Variants in LUZP2 observed in about 807,000 individuals in gnomAD.
LUZP2 encodes the protein leucine zipper protein 2.
In LUZP2, 52 loss-of-function variants were observed where a neutral mutation model predicts 51.6. That is an observed-to-expected ratio of 1.01 (90% CI 0.81 to 1.27). The LOEUF is 1.27. Ranked by LOEUF, LUZP2 falls within the 50% of genes most tolerant of loss-of-function variation. LUZP2 has a pLI of 0.00. For missense variants in LUZP2, 436 were observed against 395.4 expected (o/e 1.10, Z -0.87); for synonymous variants, 154 against 137.3 (o/e 1.12, Z -0.85).
intron 5 of LUZP2, among the ~76,000 whole-genome samples, chr11:24,821,148 A>G (rs138056942): frequency 1.3e-4 from 20 of 152,280 alleles, no homozygotes; most frequent in Non-Finnish European, 2.4e-4. Context: ...ATAACACAGC[A>G]TATAGTTTGC....
intron 9 of LUZP2, among the ~76,000 whole-genome samples, chr11:25,024,544 A>G (rs1371752175): frequency 6.6e-6 from 1 of 152,180 alleles, no homozygotes; most frequent in Non-Finnish European, 1.5e-5. Context: ...ATTCCCATTT[A>G]CAATTGCTTC....
intron 1 of LUZP2, among the ~76,000 whole-genome samples, chr11:24,556,298 G>A (rs1180172987): frequency 6.6e-6 from 1 of 152,040 alleles, no homozygotes; most frequent in East Asian, 1.9e-4. Flanking sequence ...TTCCATTGTG[G>A]CATATAATAC....
chr11:24,899,597 A>G (rs10834538), intron 5 of LUZP2, among the ~76,000 whole-genome samples: 61,518 of 152,018 alleles, frequency 0.4, 14,609 homozygotes, highest in East Asian at 0.68. Flanking sequence ...GAAAGATGAA[A>G]GTAAAATATG....
At chr11:24,826,372 C>A (rs182902846) in intron 5 of LUZP2, among the ~76,000 whole-genome samples, 23 of 151,114 alleles carry the variant, frequency 1.5e-4, no homozygotes, top group Non-Finnish European at 2.7e-4. Flanking sequence ...AAAATGAAAC[C>A]GAATTGACTG....
At chr11:24,754,073 A>G (rs1026799199) in intron 4 of LUZP2, among the ~76,000 whole-genome samples, 5 of 152,148 alleles carry the variant, frequency 3.3e-5, no homozygotes, top group Non-Finnish European at 7.4e-5. Flanking sequence ...ATAACCATCT[A>G]AAGATTTCCA....
chr11:25,026,793 T>C (rs9633817), intron 9 of LUZP2, among the ~76,000 whole-genome samples: 145,826 of 151,916 alleles, frequency 0.96, 70,251 homozygotes, highest in East Asian at 1. Context: ...CCACCCTATC[T>C]CCGAGAAAAG....
At chr11:25,067,245 CTTTG>C (rs1354288867) in intron 10 of LUZP2, among the ~76,000 whole-genome samples, 4 of 151,666 alleles carry the variant, frequency 2.6e-5, no homozygotes, top group South Asian at 2.1e-4. Flanking sequence ...TTTTCTGTAA[CTTTG>C]TTTAAGTTCT....
intron 1 of LUZP2, among the ~76,000 whole-genome samples, chr11:24,595,777 G>A (rs138756443): frequency 1.3e-5 from 2 of 152,296 alleles, no homozygotes; most frequent in African/African-American, 4.8e-5. Flanking sequence ...GAGATGGCAA[G>A]TGAGACTGAC....
intron 1 of LUZP2, among the ~76,000 whole-genome samples, chr11:24,602,232 ATGTGTATATATG>A: frequency 2.4e-5 from 1 of 42,086 alleles, no homozygotes; most frequent in South Asian, 8.3e-4. Context: ...ATGTACATAT[ATGTGTATATATG>A]TATATATATG....
chr11:24,964,463 C>T (rs1176516569), intron 7 of LUZP2, among the ~76,000 whole-genome samples: 14 of 152,200 alleles, frequency 9.2e-5, no homozygotes, highest in South Asian at 2.1e-4. Context: ...TATTAATTTT[C>T]ATAATTGATC....
chr11:24,602,385 T>TACACACACAC (rs1444866024), intron 1 of LUZP2, among the ~76,000 whole-genome samples: 4,878 of 86,398 alleles, frequency 0.056, 139 homozygotes, highest in Admixed American at 0.11. Flanking sequence ...TATATATATA[T>TACACACACAC]ATACACACAC....
At chr11:24,786,370 C>A (rs1849245890) in intron 5 of LUZP2, 1 of 981,916 alleles carries the variant, frequency 1.0e-6, no homozygotes, top group African/African-American at 1.8e-5. Context: ...CATTCCTGAC[C>A]CTTCTATATA....
chr11:24,644,973 A>T (rs1855420896), intron 1 of LUZP2, among the ~76,000 whole-genome samples: 1 of 152,146 alleles, frequency 6.6e-6, no homozygotes, highest in South Asian at 2.1e-4. Flanking sequence ...AGCAGTGACT[A>T]ATGTAAATCA....
At chr11:24,773,139 A>G (rs952013047) in intron 5 of LUZP2, among the ~76,000 whole-genome samples, 2 of 151,846 alleles carry the variant, frequency 1.3e-5, no homozygotes, top group Admixed American at 6.6e-5. Context: ...AAATCTATCA[A>G]TGGAAGTATC....
At chr11:24,989,046 G>T (rs1856260457) in intron 9 of LUZP2, among the ~76,000 whole-genome samples, 1 of 151,054 alleles carries the variant, frequency 6.6e-6, no homozygotes, top group Non-Finnish European at 1.5e-5. Flanking sequence ...TCATTCTGGA[G>T]CAGTGAGGGA....
chr11:24,774,773 A>C (rs1848865746), intron 5 of LUZP2, among the ~76,000 whole-genome samples: 1 of 95,740 alleles, frequency 1.0e-5, no homozygotes, highest in African/African-American at 4.2e-5. Flanking sequence ...TATAAAGAAT[A>C]TATATAGAAT....
chr11:24,912,812 GA>G (rs990084087), intron 6 of LUZP2, among the ~76,000 whole-genome samples: 42 of 151,760 alleles, frequency 2.8e-4, no homozygotes, highest in Admixed American at 7.2e-4. Context: ...TCCATCTCAA[GA>G]AAAAAAAGTT....
chr11:24,826,441 C>T (rs2134169214), intron 5 of LUZP2, among the ~76,000 whole-genome samples: 2 of 151,660 alleles, frequency 1.3e-5, no homozygotes, highest in East Asian at 3.9e-4. Flanking sequence ...AGAAGACACA[C>T]ACTATGTCGA....
At chr11:24,736,156 G>C (rs1397328628) in intron 3 of LUZP2, among the ~76,000 whole-genome samples, 1 of 151,622 alleles carries the variant, frequency 6.6e-6, no homozygotes, top group Non-Finnish European at 1.5e-5. Flanking sequence ...GTCAGAATGG[G>C]GGATTTTTTT....
Sources: allele counts gnomAD v4.1 joint callset (sites outside exome capture counted in the v4.1 genomes callset), GRCh38; gene constraint gnomAD v4.1.1; transcripts MANE v1.5; gene names NCBI Gene and HGNC (gene_info 2026-07-23, HGNC 2026-07-21).